The following KALRN variants were observed in gnomAD, a reference collection of about 807,000 sequenced individuals.
The protein encoded by KALRN is kalirin.
A neutral mutation model predicts 353.7 loss-of-function variants in KALRN; 70 were observed. The ratio of observed to expected loss-of-function variants is 0.20; its 90% CI spans 0.16 to 0.24. The LOEUF is 0.24. KALRN is among the 10% of genes least tolerant of loss of function. The pLI is 1.00. For synonymous variants in KALRN, 1,391 were observed against 1,434.8 expected, an observed-to-expected ratio of 0.97 and a Z score of 0.69; for missense variants, 2,791 against 3,756.7, an observed-to-expected ratio of 0.74 and a Z score of 6.72.
chr3:124,192,353 C>T (rs1042772798), intron 1 of KALRN, among the ~76,000 whole-genome samples: 2 of 151,684 alleles, frequency 1.3e-5, no homozygotes, highest in African/African-American at 2.4e-5. Flanking sequence ...ATAGAGAGTA[C>T]AAGGATGGTT....
chr3:124,643,460 A>G (rs2082333121), intron 37 of KALRN, among the ~76,000 whole-genome samples: 1 of 152,130 alleles, frequency 6.6e-6, no homozygotes. Flanking sequence ...TTTTGTCCAG[A>G]GAATATTACT....
intron 34 of KALRN, among the ~76,000 whole-genome samples, chr3:124,575,003 A>G (rs2073947408): frequency 6.6e-6 from 1 of 152,172 alleles, no homozygotes; most frequent in South Asian, 2.1e-4. Flanking sequence ...CTCACCGAGG[A>G]TCTATGTGGG....
In KALRN at chr3:124,269,020, A is replaced by G; in HGVS notation, c.734A>G (p.Glu245Gly). ...LKKKVLKAPVEELDREGQRLL... is the reference protein window; with the variant it reads ...LKKKVLKAPVGELDREGQRLL... ...AAAAAGGTGCTGAAGGCCCCTGTGG[A>G]GGAGCTGGACCGGGAGGGGCAGCGG... Residue 245 changes from glutamate to glycine, a missense_variant, in exon 5 of 60, where the codon GAG becomes GGG. Coordinates refer to ENST00000682506, the MANE Select transcript of KALRN (RefSeq NM_001388419.1). 6.2e-7 allele frequency: 1 copy of G among 1,613,776 alleles called. No individual in the cohort carries two copies. Among genetic ancestry groups the G allele is most frequent in the Non-Finnish European group, 8.5e-7 (1 of 1,179,906 alleles).
In KALRN at chr3:124,682,498, C is replaced by T. The variant is rs141313133; in HGVS notation, c.7377+2981C>T. On this transcript the variant is annotated intron_variant, in intron 51 of 59. Coordinates refer to ENST00000682506, the MANE Select transcript of KALRN (RefSeq NM_001388419.1). ...CCTGCCCTGACTGACTCCCTTTAAC[C>T]TGAGGCCAGCCTGTTGATCCCAGCC... Among the ~76,000 whole-genome samples the T allele has an allele frequency of 4.2e-3, 647 of 152,344 alleles. 5 individuals carry two copies. The highest frequency in any genetic ancestry group is 0.015 in the African/African-American group (628 of 41,582).
intron 10 of KALRN, among the ~76,000 whole-genome samples, chr3:124,368,710 C>T (rs912501032): frequency 3.4e-5 from 5 of 148,194 alleles, no homozygotes; most frequent in African/African-American, 1.2e-4. Flanking sequence ...CCAAGGCAGG[C>T]GGCTGGGAGG....
At position 124,632,478 on chromosome 3, in the gene KALRN, G is replaced by A; in HGVS notation, c.5241G>A (p.Leu1747=). Residue 1747 remains leucine, a synonymous_variant, in exon 35 of 60, where the codon CTG becomes CTA. Coordinates refer to ENST00000682506, the MANE Select transcript of KALRN (RefSeq NM_001388419.1). ...NGGKSESVAN[L]QAQPSLNSIH... ...GCAAGTCCGAGTCCGTGGCCAACCT[G>A]CAGGCCCAGCCCTCCCTGAACTCCA... 2 of 1,614,004 alleles carry A rather than the reference G, an allele frequency of 1.2e-6. No homozygotes were observed. Among genetic ancestry groups the A allele is most frequent in the Non-Finnish European group, 1.7e-6 (2 of 1,179,960 alleles).
chr3:124,503,617 G>A (rs2064867815), intron 33 of KALRN, among the ~76,000 whole-genome samples: 2 of 152,076 alleles, frequency 1.3e-5, no homozygotes, highest in Non-Finnish European at 2.9e-5. Flanking sequence ...TGTGGTACTC[G>A]GTATGCCTGC....
chr3:124,493,140 C>G (rs956160988), intron 32 of KALRN, among the ~76,000 whole-genome samples: 1 of 152,172 alleles, frequency 6.6e-6, no homozygotes, highest in African/African-American at 2.4e-5. Flanking sequence ...TAAGATGAGT[C>G]GATTCCCTTA....
intron 6 of KALRN, among the ~76,000 whole-genome samples, chr3:124,307,878 T>A (rs1461948762): frequency 2.0e-5 from 3 of 151,894 alleles, no homozygotes; most frequent in Non-Finnish European, 4.4e-5. Context: ...AAAACATTTT[T>A]AAAAAATATA....
chr3:124,697,414 A>C lies in KALRN; in HGVS notation c.7700-179A>C, dbSNP rs377230650. On this transcript the variant is annotated intron_variant, in intron 54 of 59. Transcript: ENST00000682506. The stretch of plus-strand genomic sequence containing the variant: ...TTTAGCCCAAGGAAGAACTTCAGAC[A>C]GCATGGTGTGTCTCCCACATCTGCC... Among the ~76,000 whole-genome samples, 7 of 152,368 alleles carry C rather than the reference A, an allele frequency of 4.6e-5. No homozygotes were observed. The East Asian group carries it at 1.3e-3, about 29-fold the overall frequency.
At chr3:124,708,037 G>A (rs2062722042) in intron 57 of KALRN, among the ~76,000 whole-genome samples, 2 of 152,184 alleles carry the variant, frequency 1.3e-5, no homozygotes, top group Admixed American at 1.3e-4. Flanking sequence ...AGACCTAAAA[G>A]CATAGTAAAC....
intron 3 of KALRN, among the ~76,000 whole-genome samples, chr3:124,258,165 G>T (rs1321307057): frequency 6.6e-6 from 1 of 152,114 alleles, no homozygotes; most frequent in Non-Finnish European, 1.5e-5. Context: ...CTGGGGTTGG[G>T]GAGACAGAGC....
intron 6 of KALRN, among the ~76,000 whole-genome samples, chr3:124,306,736 T>G (rs1289142374): frequency 6.6e-6 from 1 of 151,986 alleles, no homozygotes; most frequent in Non-Finnish European, 1.5e-5. Context: ...AGGAAAACCT[T>G]AAAAATAGCA....
chr3:124,388,026 G>GTATATGTGTACACATGCACA, intron 11 of KALRN, among the ~76,000 whole-genome samples: 1 of 151,952 alleles, frequency 6.6e-6, no homozygotes. Flanking sequence ...ATATGTACAT[G>GTATATGTGTACACATGCACA]TATATGTGTA....
Position 124,195,634 on chromosome 3 carries a change from A to G in KALRN, c.74-32356A>G, listed in dbSNP as rs569868137. On this transcript the variant is annotated intron_variant, in intron 1 of 59. Transcript: ENST00000682506. ...GAACCTCACTGAACCATGCCCCTGGATTCTATGGGCATAGAATTGGCTCCA... is the reference window on the plus strand; with the variant it reads ...GAACCTCACTGAACCATGCCCCTGGGTTCTATGGGCATAGAATTGGCTCCA... Among the ~76,000 whole-genome samples the G allele has an allele frequency of 7.2e-5, 11 of 152,224 alleles. No individual in the cohort carries two copies. In the East Asian group the frequency reaches 2.1e-3, roughly 29 times the overall value.
chr3:124,431,743 T>G (rs2093286867), intron 16 of KALRN, among the ~76,000 whole-genome samples: 1 of 152,114 alleles, frequency 6.6e-6, no homozygotes, highest in Non-Finnish European at 1.5e-5. Flanking sequence ...CATGGCAAAA[T>G]AATAAAATTT....
intron 8 of KALRN, among the ~76,000 whole-genome samples, chr3:124,330,246 T>TCACACACACACA (rs774251256): frequency 9.2e-4 from 123 of 134,380 alleles, no homozygotes; most frequent in Middle Eastern, 3.9e-3. Context: ...TCTCTCTCTC[T>TCACACACACACA]CACACACACA....
At chr3:124,060,305 T>C (rs1438449213) in intron 1 of KALRN, among the ~76,000 whole-genome samples, 1 of 152,188 alleles carries the variant, frequency 6.6e-6, no homozygotes, top group African/African-American at 2.4e-5. Context: ...TGTAATTTGC[T>C]GGGCCCAGGT....
intron 12 of KALRN, 78 bp from the exon 13 acceptor site, chr3:124,398,619 G>A: frequency 1.4e-6 from 2 of 1,454,698 alleles, no homozygotes; most frequent in South Asian, 2.3e-5. Context: ...GCTCAGATGA[G>A]GAAGATCCCC....
Sources: allele counts gnomAD v4.1 joint callset (sites outside exome capture counted in the v4.1 genomes callset), GRCh38; gene constraint gnomAD v4.1.1; transcripts MANE v1.5; gene names NCBI Gene and HGNC (gene_info 2026-07-23, HGNC 2026-07-21).